The following TMEM87A variants were observed in gnomAD, a reference collection of about 807,000 sequenced individuals.
TMEM87A encodes the protein transmembrane protein 87A, also known as Golgi-pH regulating cation channel.
In TMEM87A, 50 loss-of-function variants were observed where a neutral mutation model predicts 90.0. The ratio of observed to expected loss-of-function variants is 0.56; its 90% CI spans 0.44 to 0.70. The LOEUF is 0.70. TMEM87A is among the 30% of genes least tolerant of loss of function. The pLI, the probability that TMEM87A is intolerant of heterozygous loss-of-function variation, is 0.00. For missense variants in TMEM87A, 577 were observed against 660.5 expected (o/e 0.87, Z 1.39); for synonymous variants, 226 against 226.7 (o/e 1.00, Z 0.03).
chr15:42,249,120 C>G (rs983096156), intron 6 of TMEM87A, among the ~76,000 whole-genome samples: 2 of 152,162 alleles, frequency 1.3e-5, no homozygotes, highest in Non-Finnish European at 2.9e-5. Flanking sequence ...TCTGTGGGAT[C>G]AGTAGTGATA....
chr15:42,261,835 C>T (rs189865600), intron 4 of TMEM87A, among the ~76,000 whole-genome samples: 170 of 152,164 alleles, frequency 1.1e-3, no homozygotes, highest in Middle Eastern at 6.8e-3. Flanking sequence ...AGGGTTTCAC[C>T]GTGTTAGCCA....
At chr15:42,255,333 C>T (rs935658082) in intron 6 of TMEM87A, among the ~76,000 whole-genome samples, 1 of 152,138 alleles carries the variant, frequency 6.6e-6, no homozygotes, top group Admixed American at 6.5e-5. Context: ...GTTTTCTCCA[C>T]GTTGGTCAGG....
At chr15:42,265,841 T>C (rs1390722195) in intron 3 of TMEM87A, among the ~76,000 whole-genome samples, 2 of 152,178 alleles carry the variant, frequency 1.3e-5, no homozygotes, top group East Asian at 3.8e-4. Context: ...GTTTTTATAG[T>C]TTTGGGTTTT....
chr15:42,214,291 TAA>T (rs141848257), intron 19 of TMEM87A, among the ~76,000 whole-genome samples: 5,559 of 152,186 alleles, frequency 0.037, 96 homozygotes, highest in Non-Finnish European at 0.042. Context: ...TCAAAAAAAT[TAA>T]AGACGAAAAC....
At chr15:42,242,176 G>A (rs746523986) in intron 7 of TMEM87A, among the ~76,000 whole-genome samples, 1 of 151,902 alleles carries the variant, frequency 6.6e-6, no homozygotes, top group African/African-American at 2.4e-5. Flanking sequence ...AACAGTGCAC[G>A]AGGCCGACTC....
At chr15:42,268,539 T>C (rs1260653095) in intron 2 of TMEM87A, among the ~76,000 whole-genome samples, 4 of 152,004 alleles carry the variant, frequency 2.6e-5, no homozygotes, top group Admixed American at 1.3e-4. Context: ...TGGTGGTACA[T>C]GCTTGTAGTC....
chr15:42,215,318 T>A (rs1331453099), intron 19 of TMEM87A, among the ~76,000 whole-genome samples: 1 of 151,992 alleles, frequency 6.6e-6, no homozygotes, highest in Non-Finnish European at 1.5e-5. Flanking sequence ...GCTAACACGG[T>A]GAAACCCCGT....
At chr15:42,229,950 C>A (rs894498098) in intron 12 of TMEM87A, among the ~76,000 whole-genome samples, 1 of 152,166 alleles carries the variant, frequency 6.6e-6, no homozygotes, top group African/African-American at 2.4e-5. Context: ...CTCAGGCTCC[C>A]GAGCAGCTGG....
Position 42,226,846 on chromosome 15 carries a change from C to T in TMEM87A, c.1363G>A (p.Val455Ile). The change falls in exon 15 of 20, where the codon GTC becomes ATC. Residue 455 changes from valine (V) to isoleucine (I), a missense_variant. Physicochemically the swap from Val to Ile is conservative, Grantham distance 29. Transcript: ENST00000389834. ...WRLLFSMILF[V>I]IMVLWRPSAN... Reference sequence around the variant, plus strand: ...GATGGTCGCCAGAGAACCATGATGACAAAGAGGATCATGGAGAACAGCAAG... The same window carrying T: ...GATGGTCGCCAGAGAACCATGATGATAAAGAGGATCATGGAGAACAGCAAG... 6.2e-7 allele frequency: 1 copy of T among 1,614,116 alleles called. No individual in the cohort carries two copies. The highest frequency in any genetic ancestry group is 1.1e-5 in the South Asian group (1 of 91,078).
intron 4 of TMEM87A, 108 bp downstream of exon 4, chr15:42,263,982 A>G (rs1312376729): frequency 1.3e-6 from 1 of 765,414 alleles, no homozygotes; most frequent in South Asian, 1.7e-5. Context: ...GCTTCCACTT[A>G]CTTCTGCCAA....
intron 6 of TMEM87A, chr15:42,258,431 T>C: frequency 1.5e-6 from 1 of 679,692 alleles, no homozygotes; most frequent in Non-Finnish European, 1.8e-6. Flanking sequence ...TGAATATCTT[T>C]TTTCTTTTTT....
intron 6 of TMEM87A, among the ~76,000 whole-genome samples, chr15:42,256,870 C>T (rs1163951264): frequency 6.6e-6 from 1 of 151,998 alleles, no homozygotes; most frequent in Non-Finnish European, 1.5e-5. Flanking sequence ...GGTGCACGTG[C>T]CACCTTCTGG....
upstream of TMEM87A, chr15:42,273,504 G>T: frequency 6.5e-7 from 1 of 1,526,718 alleles, no homozygotes; most frequent in South Asian, 1.2e-5. Flanking sequence ...TCCTGGAAAC[G>T]TCGCGGAGCT....
At chr15:42,265,529 C>A (rs144045883) in intron 3 of TMEM87A, among the ~76,000 whole-genome samples, 1 of 151,946 alleles carries the variant, frequency 6.6e-6, no homozygotes, top group Non-Finnish European at 1.5e-5. Flanking sequence ...TGTTCATGTC[C>A]TTTACCCACT....
intron 6 of TMEM87A, among the ~76,000 whole-genome samples, chr15:42,259,716 C>T (rs951117179): frequency 6.6e-6 from 1 of 152,110 alleles, no homozygotes. Flanking sequence ...CAGGGCTGTG[C>T]ACACATGCCC....
intron 6 of TMEM87A, among the ~76,000 whole-genome samples, chr15:42,247,017 T>TA (rs2050988138): frequency 6.6e-6 from 1 of 151,260 alleles, no homozygotes. Flanking sequence ...CTCATTGTGG[T>TA]TTTGATTTGC....
Position 42,217,807 on chromosome 15 carries a change from T to C in TMEM87A, c.1622A>G (p.Asp541Gly), listed in dbSNP as rs1164192661. The C allele has an allele frequency of 6.2e-7, 1 of 1,612,892 alleles. No individual in the cohort carries two copies. The highest frequency in any genetic ancestry group is 2.2e-5 in the East Asian group (1 of 44,776). Residue 541 changes from aspartate (D) to glycine (G), a missense_variant, in exon 19 of 20, where the codon GAT becomes GGT. Transcript: ENST00000389834. ...GCACGTGAATTGAGTACCAACCTCA[T>C]CTGAATCCAGAAGGGCTGGAAGTGC... ...DVALPALLDS[D>G]EERMITHFER... is the part of the protein sequence containing the mutation.
chr15:42,231,137 C>A, intron 12 of TMEM87A, 55 bp downstream of exon 12: 1 of 1,340,052 alleles, frequency 7.5e-7, no homozygotes, highest in South Asian at 1.3e-5. Flanking sequence ...TCAATGGAAA[C>A]CCATCTCAAG....
intron 15 of TMEM87A, among the ~76,000 whole-genome samples, chr15:42,222,704 G>A (rs990169998): frequency 2.0e-5 from 3 of 151,810 alleles, no homozygotes; most frequent in African/African-American, 7.3e-5. Context: ...GATGACAGGC[G>A]CCTGCCACCA....
Sources: gnomAD v4.1 joint callset for allele counts (sites outside exome capture counted in the v4.1 genomes callset) on GRCh38, gnomAD v4.1.1 for gene constraint, MANE v1.5 for transcripts, NCBI Gene and HGNC (gene_info 2026-07-23, HGNC 2026-07-21) for gene names.